The following NCOR2 variants were observed in gnomAD, a reference collection of about 807,000 sequenced individuals.
The protein encoded by NCOR2 is CTG repeat protein 26.
A neutral mutation model predicts 262.9 loss-of-function variants in NCOR2; 81 were observed. That is an observed-to-expected ratio of 0.31 (90% CI 0.26 to 0.37). The LOEUF is 0.37. Ranked by LOEUF, NCOR2 falls within the 10% of genes least tolerant of loss-of-function variation. The pLI is 1.00. For synonymous variants in NCOR2, 1,659 were observed against 1,559.3 expected, an observed-to-expected ratio of 1.06 and a Z score of -1.51; for missense variants, 3,385 against 3,621.4, an observed-to-expected ratio of 0.93 and a Z score of 1.68.
At chr12:124,367,554 C>A (rs1398528019) in intron 20 of NCOR2, among the ~76,000 whole-genome samples, 2 of 152,204 alleles carry the variant, frequency 1.3e-5, no homozygotes, top group Non-Finnish European at 2.9e-5. Flanking sequence ...CGTAGCCATG[C>A]TGGAGGAGCG....
At chr12:124,350,540 G>A in intron 28 of NCOR2, 47 bp downstream of exon 30, 1 of 1,586,088 alleles carries the variant, frequency 6.3e-7, no homozygotes, top group Non-Finnish European at 8.6e-7. Context: ...AGTGGGCCAA[G>A]CACACTCCTC....
In NCOR2 at chr12:124,325,216, G is replaced by C. The variant is rs377552163; in HGVS notation, c.*186C>G. 5.1e-4 allele frequency: 211 copies of C among 409,964 alleles called. 3 individuals are homozygous for C. The South Asian group carries it at 0.014, about 28-fold the overall frequency. The allele number at this position is 409,964 out of a possible 1,614,324, so 25.4% of individuals were successfully genotyped here. A position where few individuals can be genotyped will look rare whatever the true frequency, so the allele number is the denominator to read the frequency against. ...GGTCTGCACAGGGCCAGCCCGGGGC[G>C]GGAGTCTTAGTTAAGGCTTTAGACA... On this transcript the variant is annotated 3_prime_UTR_variant, in exon 47 of 47. Transcript: ENST00000405201.
rs555297738 is a variant in NCOR2, at chr12:124,353,858, G to C, written c.3693+235C>G. On this transcript the variant is annotated intron_variant, in intron 27 of 46. Coordinates refer to ENST00000405201, the Ensembl canonical transcript of NCOR2. ...TTCACCAGCCTACTTATTTACCCTG[G>C]TCTGTTTCCTTCCACTACATGGCAG... 2.6e-5 allele frequency among the ~76,000 whole-genome samples: 4 copies of C among 152,290 alleles called. 1 individual carries two copies. In the South Asian group the frequency reaches 8.3e-4, roughly 32 times the overall value.
At chr12:124,518,454 C>A (rs1283291931) in intron 1 of NCOR2, among the ~76,000 whole-genome samples, 2 of 152,224 alleles carry the variant, frequency 1.3e-5, no homozygotes, top group Non-Finnish European at 2.9e-5. Context: ...CGATGCCCCC[C>A]AAACCCGGGC....
intron 21 of NCOR2, among the ~76,000 whole-genome samples, chr12:124,363,065 C>T (rs2038741740): frequency 6.6e-6 from 1 of 152,400 alleles, no homozygotes; most frequent in East Asian, 1.9e-4. Context: ...GGACCCAAAT[C>T]CTCTGGGTCT....
intron 24 of NCOR2, 75 bp from the exon 27 acceptor site, chr12:124,355,014 G>A (rs1046582680): frequency 7.6e-7 from 1 of 1,313,060 alleles, no homozygotes; most frequent in Non-Finnish European, 1.1e-6. Flanking sequence ...TGACGCTCCT[G>A]TTCAAAAAGC....
In NCOR2 at chr12:124,355,578, A is replaced by G. The variant is rs368232416; in HGVS notation, c.3242-7T>C. On this transcript the variant is annotated splice_region_variant and splice_polypyrimidine_tract_variant and intron_variant, in intron 23 of 46. Transcript: ENST00000405201. ...CCCAGGGGCAGTGGGTGACCTGTGG[A>G]GCACATGTCTGTCCATTGTGGGGCC... 5 of 1,556,176 alleles carry G rather than the reference A, an allele frequency of 3.2e-6. No individual in the cohort carries two copies. In the South Asian group the frequency reaches 4.9e-5, roughly 15 times the overall value.
exon 4 of NCOR2, chr12:124,473,011 G>A (rs1470912499): frequency 3.7e-6 from 6 of 1,614,002 alleles, no homozygotes; most frequent in Admixed American, 3.3e-5. Flanking sequence ...CGGTCCACGC[G>A]GTCCATGTTC....
chr12:124,343,660 C>T (rs2036655385), intron 32 of NCOR2, among the ~76,000 whole-genome samples: 1 of 150,098 alleles, frequency 6.7e-6, no homozygotes, highest in East Asian at 2.0e-4. Context: ...GAGTTTCACT[C>T]TTGTTGCCCA....
intron 22 of NCOR2, among the ~76,000 whole-genome samples, chr12:124,361,021 C>T (rs2038537833): frequency 6.6e-6 from 1 of 151,782 alleles, no homozygotes. Flanking sequence ...CAACAAATGT[C>T]CTGACCCAGC....
upstream of NCOR2, chr12:124,539,437 C>T (rs1173448133): frequency 1.3e-5 from 2 of 152,788 alleles, no homozygotes; most frequent in Non-Finnish European, 2.9e-5. This position sits in a 1 kb window ranked among gnomAD's most constrained non-coding sequence, Gnocchi z 5.1. Context: ...TGCTCACTGT[C>T]CCCCAGCAAG....
At chr12:124,540,432 T>C (rs1328496773), upstream of NCOR2, among the ~76,000 whole-genome samples, 1 of 94,358 alleles carries the variant, frequency 1.1e-5, no homozygotes, top group Non-Finnish European at 2.1e-5. Context: ...CTGGAGAGGG[T>C]TGGGGAGTAG....
chr12:124,540,035 G>A (rs1003554283), upstream of NCOR2, among the ~76,000 whole-genome samples: 1 of 152,052 alleles, frequency 6.6e-6, no homozygotes, highest in African/African-American at 2.4e-5. Context: ...AGAGGGGACA[G>A]ACCCCCTGTT....
intron 26 of NCOR2, 83 bp from the exon 29 acceptor site, chr12:124,354,279 G>A: frequency 7.3e-7 from 1 of 1,369,216 alleles, no homozygotes; most frequent in Non-Finnish European, 1.0e-6. Flanking sequence ...CACCCTGACT[G>A]AGAGACCCAC....
intron 1 of NCOR2, among the ~76,000 whole-genome samples, chr12:124,554,436 C>T (rs1272326728): frequency 3.3e-5 from 5 of 152,216 alleles, no homozygotes; most frequent in Admixed American, 1.3e-4. Context: ...GGAAGCTCCC[C>T]TCCCCAGGTT....
intron 13 of NCOR2, among the ~76,000 whole-genome samples, chr12:124,407,345 G>C (rs915527347): frequency 1.3e-5 from 2 of 152,252 alleles, no homozygotes; most frequent in Admixed American, 6.5e-5. Flanking sequence ...TGCAGGGCGA[G>C]GGAAGGGGCT....
At chr12:124,564,560 A>G (rs2052172897) in intron 1 of NCOR2, among the ~76,000 whole-genome samples, 1 of 117,500 alleles carries the variant, frequency 8.5e-6, no homozygotes, top group Non-Finnish European at 1.6e-5. Context: ...GGTCAGAGGC[A>G]GCATTTGTGG....
intron 13 of NCOR2, among the ~76,000 whole-genome samples, chr12:124,407,378 C>T (rs367786166): frequency 5.9e-4 from 90 of 152,330 alleles, no homozygotes; most frequent in Middle Eastern, 3.4e-3. Context: ...GAGGCCTCTG[C>T]GGCATGGCAA....
intron 1 of NCOR2, among the ~76,000 whole-genome samples, chr12:124,491,422 GC>G (rs138170120): frequency 0.037 from 5,695 of 152,284 alleles, 365 homozygotes; most frequent in African/African-American, 0.13. Flanking sequence ...AAGGCCACTT[GC>G]CCCCTGTTTC....
Sources: gnomAD v4.1 joint callset for allele counts (sites outside exome capture counted in the v4.1 genomes callset) on GRCh38, gnomAD v4.1.1 for gene constraint, Gnocchi (gnomAD v3.1) non-coding constraint, MANE v1.5 for transcripts, NCBI Gene and HGNC (gene_info 2026-07-23, HGNC 2026-07-21) for gene names.